HECW2: variants seen among roughly 807,000 people sequenced by gnomAD.
HECW2 encodes the protein E3 ubiquitin-protein ligase HECW2.
A neutral mutation model predicts 175.2 loss-of-function variants in HECW2; 61 were observed. That is an observed-to-expected ratio of 0.35 (90% CI 0.28 to 0.43). HECW2 has a LOEUF of 0.43. HECW2 is among the 20% of genes least tolerant of loss of function. The pLI, the probability that HECW2 is intolerant of heterozygous loss-of-function variation, is 1.00. For missense variants in HECW2, 1,524 were observed against 2,000.5 expected, an observed-to-expected ratio of 0.76 and a Z score of 4.54; for synonymous variants, 671 against 731.0, an observed-to-expected ratio of 0.92 and a Z score of 1.32.
intron 2 of HECW2, among the ~76,000 whole-genome samples, chr2:196,389,661 C>A (rs2125178638): frequency 6.6e-6 from 1 of 152,284 alleles, no homozygotes; most frequent in Middle Eastern, 3.4e-3. Flanking sequence ...ACCAGAAAGG[C>A]AGACTAAATT....
At chr2:196,273,049 A>ATTTTTTTTTTTTTTTTTTTTTTTTTTTTT (rs778348590) in intron 16 of HECW2, among the ~76,000 whole-genome samples, 3 of 113,120 alleles carry the variant, frequency 2.7e-5, no homozygotes, top group African/African-American at 1.2e-4. Context: ...AGCTGGTCTA[A>ATTTTTTTTTTTTTTTTTTTTTTTTTTTTT]TTTTTTTTTT....
intron 1 of HECW2, among the ~76,000 whole-genome samples, chr2:196,498,744 T>A (rs763098370): frequency 6.6e-6 from 1 of 152,210 alleles, no homozygotes; most frequent in Non-Finnish European, 1.5e-5. Flanking sequence ...TAACCAGTCA[T>A]TGTTTTATAG....
chr2:196,211,845 C>CT (rs146332423), intron 28 of HECW2, among the ~76,000 whole-genome samples: 1,648 of 151,530 alleles, frequency 0.011, 10 homozygotes, highest in Middle Eastern at 0.017. Context: ...TTAGAGGATT[C>CT]TTTTTTTTTC....
intron 1 of HECW2, among the ~76,000 whole-genome samples, chr2:196,473,900 T>C (rs1357672219): frequency 6.6e-6 from 1 of 152,214 alleles, no homozygotes; most frequent in Non-Finnish European, 1.5e-5. Context: ...GCAGGACATA[T>C]TTAGAAAATG....
At chr2:196,275,093 A>G (rs529276894) in intron 15 of HECW2, among the ~76,000 whole-genome samples, 58 of 152,148 alleles carry the variant, frequency 3.8e-4, no homozygotes, top group Non-Finnish European at 7.3e-4. Flanking sequence ...TGCTGGAAAT[A>G]TCCTCCCCAC....
At chr2:196,465,967 T>C (rs1696934829) in intron 1 of HECW2, among the ~76,000 whole-genome samples, 2 of 152,176 alleles carry the variant, frequency 1.3e-5, no homozygotes, top group African/African-American at 2.4e-5. Context: ...GCTGTCCAAA[T>C]ATGTAGCTAC....
chr2:196,217,807 C>G (rs1030941397), intron 26 of HECW2: 7 of 152,092 alleles, frequency 4.6e-5, no homozygotes, highest in African/African-American at 1.7e-4. Flanking sequence ...TCAGTGAAAA[C>G]AAAAATTAAA....
chr2:196,330,871 C>G (rs923964286), intron 4 of HECW2, among the ~76,000 whole-genome samples: 6 of 152,124 alleles, frequency 3.9e-5, no homozygotes, highest in Non-Finnish European at 7.4e-5. Context: ...CTCTTTTCCC[C>G]TAATGCAATA....
At chr2:196,251,327 G>C (rs975902606) in intron 19 of HECW2, among the ~76,000 whole-genome samples, 1 of 152,046 alleles carries the variant, frequency 6.6e-6, no homozygotes, top group African/African-American at 2.4e-5. Flanking sequence ...TAAATATTGA[G>C]GTTTCTCATG....
chr2:196,434,222 C>A (rs939026394), intron 1 of HECW2, among the ~76,000 whole-genome samples: 1 of 152,138 alleles, frequency 6.6e-6, no homozygotes, highest in South Asian at 2.1e-4. Flanking sequence ...CGGTACATGT[C>A]GATAAATATT....
At chr2:196,297,402 T>C (rs1324483737) in intron 13 of HECW2, among the ~76,000 whole-genome samples, 1 of 152,232 alleles carries the variant, frequency 6.6e-6, no homozygotes, top group Non-Finnish European at 1.5e-5. Flanking sequence ...TTTTGTTTGG[T>C]TACATGTTTG....
intron 2 of HECW2, among the ~76,000 whole-genome samples, chr2:196,365,963 C>T (rs1041548318): frequency 6.6e-6 from 1 of 152,218 alleles, no homozygotes; most frequent in African/African-American, 2.4e-5. Flanking sequence ...GTCTGTATAA[C>T]ATCAAAGCTT....
intron 14 of HECW2, chr2:196,290,054 G>A (rs141826732): frequency 2.0e-5 from 3 of 152,162 alleles, no homozygotes; most frequent in Non-Finnish European, 2.9e-5. Flanking sequence ...CTGTTAATCT[G>A]TCTTGTCCAC....
intron 1 of HECW2, among the ~76,000 whole-genome samples, chr2:196,439,834 G>A (rs1362998578): frequency 6.6e-6 from 1 of 152,142 alleles, no homozygotes; most frequent in Non-Finnish European, 1.5e-5. Flanking sequence ...GAAAACAGAG[G>A]TGGGGAAACC....
At chr2:196,211,158 T>C (rs1035756079) in intron 28 of HECW2, among the ~76,000 whole-genome samples, 4 of 151,544 alleles carry the variant, frequency 2.6e-5, no homozygotes, top group Admixed American at 6.6e-5. Context: ...CCCATGACGA[T>C]TGCAGCTCTC....
At chr2:196,212,627 T>G (rs143365671) in intron 28 of HECW2, among the ~76,000 whole-genome samples, 1 of 152,230 alleles carries the variant, frequency 6.6e-6, no homozygotes, top group Non-Finnish European at 1.5e-5. Context: ...TCTGTGTCTT[T>G]GCTATTGTGA....
intron 1 of HECW2, among the ~76,000 whole-genome samples, chr2:196,448,683 C>G (rs1481103348): frequency 1.3e-5 from 2 of 152,134 alleles, no homozygotes; most frequent in African/African-American, 4.8e-5. Context: ...ATATAGAAAG[C>G]AATTATTTAT....
intron 2 of HECW2, among the ~76,000 whole-genome samples, chr2:196,381,208 C>A (rs1257761588): frequency 6.6e-6 from 1 of 152,132 alleles, no homozygotes; most frequent in African/African-American, 2.4e-5. Flanking sequence ...TGACCATGAA[C>A]CTCACCAATC....
intron 2 of HECW2, among the ~76,000 whole-genome samples, chr2:196,370,944 C>A (rs550385835): frequency 1.3e-5 from 2 of 152,188 alleles, no homozygotes; most frequent in African/African-American, 4.8e-5. Flanking sequence ...TCTCTCCTAC[C>A]CTGTTCAATG....
Sources: allele counts gnomAD v4.1 joint callset (sites outside exome capture counted in the v4.1 genomes callset), GRCh38; gene constraint gnomAD v4.1.1; transcripts MANE v1.5; gene names NCBI Gene and HGNC (gene_info 2026-07-23, HGNC 2026-07-21).